Variants in ATP6V1D observed in about 807,000 individuals in gnomAD.
ATP6V1D encodes the protein V-type proton ATPase subunit D.
ATP6V1D carries 20 observed loss-of-function variants against 39.4 expected under a neutral mutation model. The observed-to-expected ratio is 0.51, with a 90% confidence interval of 0.36 to 0.74. The LOEUF (loss-of-function observed/expected upper bound fraction) is 0.74, where lower values mean the gene tolerates loss of function less well. Ranked by LOEUF, ATP6V1D falls within the 30% of genes least tolerant of loss-of-function variation. ATP6V1D has a pLI of 0.00. For synonymous variants in ATP6V1D, 100 were observed against 100.5 expected, an observed-to-expected ratio of 0.99 and a Z score of 0.03; for missense variants, 228 against 291.6, an observed-to-expected ratio of 0.78 and a Z score of 1.59.
At chr14:67,359,555 T>C (rs2085713418) in intron 1 of ATP6V1D, 103 bp downstream of exon 1, 1 of 1,325,604 alleles carries the variant, frequency 7.5e-7, no homozygotes, top group Non-Finnish European at 1.1e-6. Flanking sequence ...AAGCTCAGGA[T>C]CCTCCCAGGA....
chr14:67,349,198 A>T (rs2085641524), intron 3 of ATP6V1D, 94 bp from the exon 4 acceptor site: 2 of 1,182,500 alleles, frequency 1.7e-6, no homozygotes, highest in South Asian at 2.7e-5. Context: ...TGAGACCAAG[A>T]GTGAGATGTC....
chr14:67,337,915 T>C lies in ATP6V1D; in HGVS notation c.*706A>G, dbSNP rs994521396. Reference sequence around the variant, plus strand: ...TTATTAGTACCCCAAAATGCAACAGTTGTCTCAAAAGTAAGCCTTTTTGTA... The same window carrying C: ...TTATTAGTACCCCAAAATGCAACAGCTGTCTCAAAAGTAAGCCTTTTTGTA... On this transcript the variant is annotated 3_prime_UTR_variant, in exon 9 of 9. Transcript: ENST00000216442. 1.3e-5 allele frequency: 2 copies of C among 152,184 alleles called. No individual in the cohort carries two copies. Among genetic ancestry groups the C allele is most frequent in the Non-Finnish European group, 2.9e-5 (2 of 68,036 alleles). The allele number at this position is 152,184 out of a possible 1,614,324, so 9.4% of individuals were successfully genotyped here.
intron 7 of ATP6V1D, among the ~76,000 whole-genome samples, chr14:67,341,262 T>C (rs1001217377): frequency 1.3e-5 from 2 of 150,870 alleles, no homozygotes; most frequent in African/African-American, 4.9e-5. Context: ...TCGTCTGAGA[T>C]GTGGGGAGCG....
rs767146743 is a variant in ATP6V1D, at chr14:67,350,672, C to T, written c.178G>A (p.Glu60Lys). The T allele has an allele frequency of 1.6e-5, 26 of 1,613,254 alleles. No homozygotes were observed. The highest frequency in any genetic ancestry group is 5.0e-5 in the Admixed American group (3 of 59,868). Residue 60 changes from glutamate to lysine, a missense_variant, in exon 3 of 9, where the codon GAA (glutamate) becomes AAA (lysine). This residue lies in a region of ATP6V1D where 104 missense variants were observed against 120.2 expected (regional missense o/e 0.87). Coordinates refer to ENST00000216442, the MANE Select transcript of ATP6V1D (RefSeq NM_015994.4). ...KIIETKMLMG[E>K]VMREAAFSLA... is the part of the protein sequence containing the mutation. ...GAAAAGGCAGCTTCTCTCATCACTT[C>T]GCCCATCAACATTTTAGTCTGGAAA...
intron 2 of ATP6V1D, 114 bp downstream of exon 2, chr14:67,352,809 T>G (rs2083998672): frequency 2.8e-6 from 2 of 704,506 alleles, no homozygotes; most frequent in Non-Finnish European, 4.7e-6. Flanking sequence ...ATAATGGTAT[T>G]TTTACTTTTG....
At chr14:67,352,260 G>C (rs911214966) in intron 2 of ATP6V1D, among the ~76,000 whole-genome samples, 2 of 151,902 alleles carry the variant, frequency 1.3e-5, no homozygotes, top group Non-Finnish European at 2.9e-5. Context: ...TTGAGCCCGG[G>C]AGTCAAAAAG....
intron 1 of ATP6V1D, among the ~76,000 whole-genome samples, chr14:67,358,654 C>T (rs1273894683): frequency 6.6e-6 from 1 of 152,152 alleles, no homozygotes; most frequent in Non-Finnish European, 1.5e-5. Context: ...GAGCTCTGAT[C>T]ATACCACTGC....
At chr14:67,355,331 C>G (rs934293027) in intron 1 of ATP6V1D, among the ~76,000 whole-genome samples, 2 of 150,610 alleles carry the variant, frequency 1.3e-5, no homozygotes, top group Non-Finnish European at 3.0e-5. Context: ...CATCAGAAGC[C>G]CCAATACCAA....
At chr14:67,344,042 C>T (rs957602598) in intron 6 of ATP6V1D, among the ~76,000 whole-genome samples, 1 of 152,188 alleles carries the variant, frequency 6.6e-6, no homozygotes, top group Non-Finnish European at 1.5e-5. Context: ...GTTTCTCAGA[C>T]TGCTGACATA....
chr14:67,347,440 TG>T lies in ATP6V1D; in HGVS notation c.320del (p.Pro107GlnfsTer15), dbSNP rs774208044. On this transcript the variant is annotated frameshift_variant, in exon 5 of 9. Transcript: ENST00000216442. LOFTEE classifies it high-confidence loss of function. Reference sequence around the variant, plus strand: ...TTCCTTCATGGTAATGTTCAAATACTGGCAAAGTAACACCTGTTAAACACAG... The same window carrying T: ...TTCCTTCATGGTAATGTTCAAATACTGCAAAGTAACACCTGTTAAACACAG... ...KKDNVAGVTLPVFEHYHEGTD... is the reference protein window; with the variant it reads ...KKDNVAGVTLXVFEHYHEGTD... 6.2e-7 allele frequency: 1 copy of T among 1,607,768 alleles called. No homozygotes were observed. The highest frequency in any genetic ancestry group is 1.3e-5 in the African/African-American group (1 of 74,546).
chr14:67,357,684 A>G (rs1007205282), intron 1 of ATP6V1D, among the ~76,000 whole-genome samples: 3 of 152,238 alleles, frequency 2.0e-5, no homozygotes, highest in Non-Finnish European at 4.4e-5. Context: ...ATAGTAGGGG[A>G]AAGGGCTGAG....
At chr14:67,342,489 C>A (rs906100869) in intron 7 of ATP6V1D, among the ~76,000 whole-genome samples, 1 of 149,616 alleles carries the variant, frequency 6.7e-6, no homozygotes, top group Non-Finnish European at 1.5e-5. Context: ...TCATTAGGCT[C>A]GACTTTACAT....
intron 8 of ATP6V1D, among the ~76,000 whole-genome samples, chr14:67,339,862 G>A (rs1342566302): frequency 2.0e-5 from 3 of 151,946 alleles, no homozygotes; most frequent in African/African-American, 7.2e-5. Flanking sequence ...ACTTTGGCAG[G>A]CCAAGGCAGG....
intron 1 of ATP6V1D, among the ~76,000 whole-genome samples, chr14:67,357,851 A>G (rs915853404): frequency 9.9e-5 from 15 of 152,214 alleles, no homozygotes; most frequent in African/African-American, 3.4e-4. Flanking sequence ...TTACTATTCT[A>G]TCCTCTCACA....
intron 1 of ATP6V1D, among the ~76,000 whole-genome samples, chr14:67,357,603 T>C (rs754788234): frequency 2.7e-4 from 41 of 152,228 alleles, no homozygotes; most frequent in Non-Finnish European, 4.4e-5. Flanking sequence ...TTATTCTGAC[T>C]GCTGTCAAAG....
intron 6 of ATP6V1D, 113 bp downstream of exon 6, chr14:67,345,655 T>C (rs2085614839): frequency 3.1e-6 from 2 of 647,302 alleles, no homozygotes; most frequent in Non-Finnish European, 5.5e-6. Context: ...CATAGGATCA[T>C]GGGAACAGTT....
chr14:67,342,214 A>AAAT (rs1235410568), intron 7 of ATP6V1D, among the ~76,000 whole-genome samples: 105 of 101,982 alleles, frequency 1.0e-3, no homozygotes, highest in African/African-American at 5.7e-3. Flanking sequence ...ATAAATAAAT[A>AAAT]AAATAAAATA....
chr14:67,345,666 A>G, intron 6 of ATP6V1D, 102 bp downstream of exon 6: 1 of 702,088 alleles, frequency 1.4e-6, no homozygotes, highest in Non-Finnish European at 2.5e-6. Context: ...GGGAACAGTT[A>G]AAAGTACAAA....
chr14:67,356,601 T>G (rs905771556), intron 1 of ATP6V1D, among the ~76,000 whole-genome samples: 3 of 152,152 alleles, frequency 2.0e-5, no homozygotes, highest in Non-Finnish European at 2.9e-5. Context: ...GTAAAACAAC[T>G]TTCTCAAAGT....
Sources: allele counts gnomAD v4.1 joint callset (sites outside exome capture counted in the v4.1 genomes callset), GRCh38; gene constraint gnomAD v4.1.1; regional missense constraint gnomAD v4.1.1; transcripts MANE v1.5; gene names NCBI Gene and HGNC (gene_info 2026-07-23, HGNC 2026-07-21).